LIN52: variants seen among roughly 807,000 people sequenced by gnomAD.
LIN52 encodes the protein protein lin-52 homolog.
LIN52 carries 4 observed loss-of-function variants against 18.5 expected under a neutral mutation model. The observed-to-expected ratio is 0.22, with a 90% CI of 0.11 to 0.49. LIN52 has a LOEUF of 0.49. Among genes scored for constraint, LIN52 ranks in the 20% least tolerant of loss-of-function variants. The probability of loss-of-function intolerance (pLI) is 0.97; values close to 1 mark genes in which losing one functional copy is unlikely to be tolerated. For synonymous variants in LIN52, 34 were observed against 45.5 expected (o/e 0.75, Z 1.02); for missense variants, 102 against 139.5 (o/e 0.73, Z 1.35).
chr14:74,090,480 C>T (rs370226355), intron 1 of LIN52, among the ~76,000 whole-genome samples: 5 of 151,280 alleles, frequency 3.3e-5, no homozygotes, highest in African/African-American at 9.7e-5. Flanking sequence ...GGATTACAGG[C>T]GCCTGCTACC....
rs2078934537 is a variant in LIN52, at chr14:74,199,613, T to C, written c.*636T>C. On this transcript the variant is annotated 3_prime_UTR_variant, in exon 6 of 6. Transcript: ENST00000555028. ...CTTACTTCCCAGCCCCACCTTCTAG[T>C]TCTGACTTCGGGCAGAGGGATCCCT... 6.6e-6 allele frequency: 1 copy of C among 152,292 alleles called. No homozygotes were observed. The highest frequency in any genetic ancestry group is 1.5e-5 in the Non-Finnish European group (1 of 68,084). 9.4% of individuals were successfully genotyped at this position (152,292 alleles called of 1,614,324 possible).
chr14:74,141,991 T>G (rs765551677), intron 5 of LIN52, among the ~76,000 whole-genome samples: 12 of 152,208 alleles, frequency 7.9e-5, no homozygotes, highest in Non-Finnish European at 1.8e-4. Flanking sequence ...CCTCATGAAC[T>G]TTAAGGGCCT....
intron 5 of LIN52, among the ~76,000 whole-genome samples, chr14:74,167,865 C>G (rs1231782808): frequency 1.3e-5 from 2 of 152,004 alleles, no homozygotes; most frequent in African/African-American, 4.8e-5. Context: ...TTATTATATT[C>G]CATTTATCTA....
At chr14:74,154,050 G>A (rs1234811948) in intron 5 of LIN52, among the ~76,000 whole-genome samples, 1 of 151,688 alleles carries the variant, frequency 6.6e-6, no homozygotes, top group African/African-American at 2.4e-5. Context: ...CGTTAGTGTG[G>A]TACATTTATT....
intron 5 of LIN52, among the ~76,000 whole-genome samples, chr14:74,130,278 G>GTGTGTTTTTTTTTTTTTTTT (rs1566856480): frequency 1.5e-5 from 1 of 64,842 alleles, no homozygotes; most frequent in Non-Finnish European, 2.8e-5. Flanking sequence ...GCATTTTTTG[G>GTGTGTTTTTTTTTTTTTTTT]TTTTTTTTTT....
intron 5 of LIN52, among the ~76,000 whole-genome samples, chr14:74,103,962 G>A (rs1316742695): frequency 6.7e-6 from 1 of 149,272 alleles, no homozygotes. Flanking sequence ...GCAGTGGCGC[G>A]ATCTTGGCTC....
chr14:74,134,203 G>T (rs143598020), intron 5 of LIN52, among the ~76,000 whole-genome samples: 139 of 152,330 alleles, frequency 9.1e-4, no homozygotes, highest in Middle Eastern at 3.4e-3. Flanking sequence ...TGGAGAGAGA[G>T]TGTGGATTTA....
In LIN52 at chr14:74,105,925, A is replaced by G. The variant is rs7160740; in HGVS notation, c.283+4687A>G. ...GTAACTAGGTTGTGTCTTTTGGAAG[A>G]TGAGTGCTACCCTTTGAATTGGTAC... On this transcript the variant is annotated intron_variant, in intron 5 of 5. Transcript: ENST00000555028. Among the ~76,000 whole-genome samples, 337 of 152,336 alleles carry G rather than the reference A, an allele frequency of 2.2e-3. 2 individuals are homozygous for G. The highest frequency in any genetic ancestry group is 7.7e-3 in the African/African-American group (321 of 41,580).
At chr14:74,170,074 C>T (rs1326530189) in intron 5 of LIN52, among the ~76,000 whole-genome samples, 3 of 152,070 alleles carry the variant, frequency 2.0e-5, no homozygotes, top group Non-Finnish European at 2.9e-5. Context: ...ATTAGAATAA[C>T]GTGGACAGGA....
At chr14:74,188,306 T>C (rs1248917231) in intron 5 of LIN52, among the ~76,000 whole-genome samples, 3 of 152,166 alleles carry the variant, frequency 2.0e-5, no homozygotes, top group Non-Finnish European at 4.4e-5. Flanking sequence ...TAAATCTCGA[T>C]GCAAGTCATA....
At chr14:74,164,505 C>T (rs1296036906) in intron 5 of LIN52, among the ~76,000 whole-genome samples, 1 of 151,834 alleles carries the variant, frequency 6.6e-6, no homozygotes, top group African/African-American at 2.4e-5. Context: ...AGGCTGGTCT[C>T]GAACTCCTGA....
At chr14:74,181,107 CAAAAAA>C (rs149099646) in intron 5 of LIN52, among the ~76,000 whole-genome samples, 17 of 96,122 alleles carry the variant, frequency 1.8e-4, no homozygotes, top group Non-Finnish European at 2.6e-4. Flanking sequence ...GACTCTGTCT[CAAAAAA>C]AAAAAAAAAA....
chr14:74,191,521 AAACTAT>A (rs1256494738), intron 5 of LIN52, among the ~76,000 whole-genome samples: 6 of 152,246 alleles, frequency 3.9e-5, no homozygotes, highest in Admixed American at 6.5e-5. Flanking sequence ...AGAAGAGTCA[AAACTAT>A]AACTATAACA....
intron 5 of LIN52, among the ~76,000 whole-genome samples, chr14:74,172,144 T>G (rs2061274549): frequency 6.6e-6 from 1 of 152,208 alleles, no homozygotes; most frequent in Non-Finnish European, 1.5e-5. Flanking sequence ...CTTTGACCAT[T>G]TCCCTAGCTT....
chr14:74,191,535 A>G (rs1191434272), intron 5 of LIN52, among the ~76,000 whole-genome samples: 1 of 152,264 alleles, frequency 6.6e-6, no homozygotes, highest in Non-Finnish European at 1.5e-5. Context: ...TATAACTATA[A>G]CAAATGGCAT....
chr14:74,128,796 T>C (rs1197025148), intron 5 of LIN52, among the ~76,000 whole-genome samples: 1 of 152,026 alleles, frequency 6.6e-6, no homozygotes, highest in Non-Finnish European at 1.5e-5. Flanking sequence ...TACAGAACAT[T>C]AGCCTGCTGT....
intron 5 of LIN52, among the ~76,000 whole-genome samples, chr14:74,168,954 T>C (rs944086403): frequency 2.0e-5 from 3 of 152,092 alleles, no homozygotes; most frequent in African/African-American, 7.2e-5. Context: ...CTTGGGAGGC[T>C]GAGGCAGGAG....
At chr14:74,116,353 G>A (rs542575271) in intron 5 of LIN52, among the ~76,000 whole-genome samples, 1 of 151,486 alleles carries the variant, frequency 6.6e-6, no homozygotes, top group East Asian at 2.0e-4. Context: ...TCAACATTTG[G>A]GAAATACCAG....
chr14:74,086,061 GTCTT>G (rs2139836727), intron 1 of LIN52, among the ~76,000 whole-genome samples: 1 of 152,016 alleles, frequency 6.6e-6, no homozygotes, highest in East Asian at 1.9e-4. Context: ...CTCCCAAAGA[GTCTT>G]TCTTAGAACA....
Sources: gnomAD v4.1 joint callset for allele counts (sites outside exome capture counted in the v4.1 genomes callset) on GRCh38, gnomAD v4.1.1 for gene constraint, MANE v1.5 for transcripts, NCBI Gene and HGNC (gene_info 2026-07-23, HGNC 2026-07-21) for gene names.